Variants in SLC2A13 observed in about 807,000 individuals in gnomAD.
SLC2A13 encodes proton myo-inositol cotransporter.
A neutral mutation model predicts 64.4 loss-of-function variants in SLC2A13; 32 were observed. That is an observed-to-expected ratio of 0.50 (90% confidence interval 0.37 to 0.67). The LOEUF is 0.67. Ranked by LOEUF, SLC2A13 falls within the 30% of genes least tolerant of loss-of-function variation. The pLI, the probability that SLC2A13 is intolerant of heterozygous loss-of-function variation, is 0.00. For missense variants in SLC2A13, 743 were observed against 829.2 expected, an observed-to-expected ratio of 0.90 and a Z score of 1.28; for synonymous variants, 338 against 327.1, an observed-to-expected ratio of 1.03 and a Z score of -0.36.
chr12:40,061,185 A>C (rs1470784765), intron 1 of SLC2A13, among the ~76,000 whole-genome samples: 1 of 152,146 alleles, frequency 6.6e-6, no homozygotes. Context: ...GGAGAGAAGC[A>C]GCAGCATAAA....
At chr12:40,032,654 G>A (rs1947922761) in intron 2 of SLC2A13, among the ~76,000 whole-genome samples, 1 of 152,200 alleles carries the variant, frequency 6.6e-6, no homozygotes, top group African/African-American at 2.4e-5. Context: ...AGCTGAGCAA[G>A]CCTGCTGTCT....
At chr12:40,037,096 T>C (rs955641568) in intron 2 of SLC2A13, among the ~76,000 whole-genome samples, 1 of 152,204 alleles carries the variant, frequency 6.6e-6, no homozygotes, top group Non-Finnish European at 1.5e-5. Context: ...TCATGATTTA[T>C]TCCCCTTTTA....
chr12:39,848,717 C>T (rs767449854), intron 6 of SLC2A13, among the ~76,000 whole-genome samples: 2 of 152,250 alleles, frequency 1.3e-5, no homozygotes, highest in Middle Eastern at 3.4e-3. Flanking sequence ...AAGACACATG[C>T]ATGGGAATGT....
chr12:39,902,498 G>C (rs1011836510), intron 4 of SLC2A13, among the ~76,000 whole-genome samples: 3 of 151,866 alleles, frequency 2.0e-5, no homozygotes, highest in Non-Finnish European at 2.9e-5. Flanking sequence ...TTAAACAGTG[G>C]CATATCTCTG....
chr12:39,963,130 C>CA (rs1439129745), intron 3 of SLC2A13, among the ~76,000 whole-genome samples: 5 of 151,610 alleles, frequency 3.3e-5, no homozygotes, highest in Middle Eastern at 3.2e-3. Flanking sequence ...ACTAAAAATA[C>CA]AAAAAAATTA....
chr12:40,105,659 G>T lies in SLC2A13; in HGVS notation c.150C>A (p.Ser50Arg). 6.7e-7 allele frequency: 1 copy of T among 1,493,292 alleles called. No individual in the cohort carries two copies. The highest frequency in any genetic ancestry group is 1.3e-5 in the South Asian group (1 of 77,446). The allele number at this position is 1,493,292 out of a possible 1,614,324, so 92.5% of individuals were successfully genotyped here. ...CGCCGCCCGCGCCCGCGCTCTGCAG[G>T]CTGGTGCTCGATTCGGCGGCAGCCA... Reference protein sequence around the residue: ...SLLAAAESSTSLQSAGAGGGG... With the variant: ...SLLAAAESSTRLQSAGAGGGG... Residue 50 changes from serine (S) to arginine (R), a missense_variant, in exon 1 of 10, where the codon AGC (serine) becomes AGA (arginine). Physicochemically the swap from Ser to Arg is moderately radical, Grantham distance 110. Around this residue, in one of 2 missense-constraint regions of SLC2A13, gnomAD observed 448 missense variants for 447.4 expected, o/e 1.00. Coordinates refer to ENST00000280871, the MANE Select transcript of SLC2A13 (RefSeq NM_052885.4). The surrounding 1 kb of genome is among the most constrained non-coding windows in gnomAD (Gnocchi z 4.2).
chr12:39,829,180 C>A (rs1383716107), intron 7 of SLC2A13, among the ~76,000 whole-genome samples: 1 of 151,874 alleles, frequency 6.6e-6, no homozygotes, highest in East Asian at 1.9e-4. Flanking sequence ...AATGTTAGTT[C>A]ATAAATCTGG....
At chr12:40,053,695 G>A (rs1013288692) in intron 1 of SLC2A13, among the ~76,000 whole-genome samples, 2 of 152,140 alleles carry the variant, frequency 1.3e-5, no homozygotes, top group African/African-American at 4.8e-5. Flanking sequence ...ATGATTAATT[G>A]TATAATTTGG....
intron 4 of SLC2A13, among the ~76,000 whole-genome samples, chr12:39,874,930 G>A (rs1448036229): frequency 6.6e-6 from 1 of 152,186 alleles, no homozygotes; most frequent in Non-Finnish European, 1.5e-5. Context: ...ATGGAAAACA[G>A]TAAGGGGAGG....
intron 1 of SLC2A13, among the ~76,000 whole-genome samples, chr12:40,067,611 C>T (rs772912133): frequency 5.3e-5 from 8 of 152,132 alleles, no homozygotes; most frequent in Non-Finnish European, 1.2e-4. Flanking sequence ...ATTCTGCTGT[C>T]TCCCTAAACA....
intron 7 of SLC2A13, among the ~76,000 whole-genome samples, chr12:39,801,339 T>TAAAA (rs34671641): frequency 4.7e-5 from 6 of 126,856 alleles, no homozygotes; most frequent in Non-Finnish European, 8.5e-5. Flanking sequence ...ATGAGGAAAT[T>TAAAA]AAAAAAAAAA....
chr12:40,019,183 T>C (rs1947671130), intron 3 of SLC2A13, among the ~76,000 whole-genome samples: 2 of 152,020 alleles, frequency 1.3e-5, no homozygotes, highest in Admixed American at 1.3e-4. Context: ...AGAAGAGAGA[T>C]TGGGAATACA....
At position 39,864,823 on chromosome 12, in the gene SLC2A13, G is replaced by T; in HGVS notation, c.1258C>A (p.Pro420Thr). The T allele has an allele frequency of 6.2e-7, 1 of 1,613,960 alleles. No homozygotes were observed. Among genetic ancestry groups the T allele is most frequent in the Non-Finnish European group, 8.5e-7 (1 of 1,179,948 alleles). Reference sequence around the variant, plus strand: ...GCTATTGGCTTAAAAGTGATGCGTGGGGAAACTTGGGCTGATAGCACAAAT... The same window carrying T: ...GCTATTGGCTTAAAAGTGATGCGTGTGGAAACTTGGGCTGATAGCACAAAT... ...LGFVLSAQVS[P>T]RITFKPIAPS... The change falls in exon 6 of 10, where the codon CCA becomes ACA. Residue 420 changes from proline (P) to threonine (T), a missense_variant. Physicochemically the swap from Pro to Thr is conservative, Grantham distance 38. This residue lies in a region of SLC2A13 where 295 missense variants were observed against 381.7 expected (regional missense o/e 0.77). Transcript: ENST00000280871.
chr12:39,783,320 G>T (rs905265643), intron 7 of SLC2A13, among the ~76,000 whole-genome samples: 1 of 152,132 alleles, frequency 6.6e-6, no homozygotes, highest in Non-Finnish European at 1.5e-5. Flanking sequence ...GAATAGTGCC[G>T]CAATAAACAT....
intron 1 of SLC2A13, among the ~76,000 whole-genome samples, chr12:40,079,255 A>G (rs1053403940): frequency 6.6e-6 from 1 of 152,200 alleles, no homozygotes; most frequent in African/African-American, 2.4e-5. Flanking sequence ...AGCATTTAGC[A>G]CTATAAACTT....
intron 3 of SLC2A13, among the ~76,000 whole-genome samples, chr12:40,000,778 A>G (rs774722645): frequency 3.9e-5 from 6 of 152,178 alleles, no homozygotes; most frequent in Non-Finnish European, 7.3e-5. Context: ...ATTTAACCTT[A>G]ATCATCTCTA....
At chr12:39,913,432 A>T (rs1373577951) in intron 4 of SLC2A13, among the ~76,000 whole-genome samples, 1 of 151,924 alleles carries the variant, frequency 6.6e-6, no homozygotes, top group Non-Finnish European at 1.5e-5. Context: ...GGGAGAAATA[A>T]GCCTCCATAC....
chr12:39,910,045 ATT>A (rs1945392114), intron 4 of SLC2A13, among the ~76,000 whole-genome samples: 2 of 152,066 alleles, frequency 1.3e-5, no homozygotes, highest in Admixed American at 1.3e-4. Context: ...CCTTAGATAC[ATT>A]AGTGTTATTT....
intron 3 of SLC2A13, among the ~76,000 whole-genome samples, chr12:39,979,579 G>A (rs931762486): frequency 1.3e-4 from 20 of 148,886 alleles, no homozygotes; most frequent in African/African-American, 5.0e-4. Context: ...ATCAGCAACG[G>A]AAGATGAAAT....
Sources: gnomAD v4.1 joint callset for allele counts (sites outside exome capture counted in the v4.1 genomes callset) on GRCh38, gnomAD v4.1.1 for gene constraint, gnomAD v4.1.1 regional missense constraint, Gnocchi (gnomAD v3.1) non-coding constraint, MANE v1.5 for transcripts, NCBI Gene and HGNC (gene_info 2026-07-23, HGNC 2026-07-21) for gene names.